The following MYO15B variants were observed in gnomAD, a reference collection of about 807,000 sequenced individuals.
MYO15B encodes myosin XVB, also known as myosin XVB pseudogene.
MYO15B carries 207 observed loss-of-function variants against 119.3 expected under a neutral mutation model. The observed-to-expected ratio is 1.73, with a 90% CI of 1.55 to 1.95. MYO15B has a LOEUF of 1.95. MYO15B is among the 30% of genes most tolerant of loss of function. The pLI, the probability that MYO15B is intolerant of heterozygous loss-of-function variation, is 0.00. For missense variants in MYO15B, 2,264 were observed against 1,203.1 expected (o/e 1.88, Z -13.04); for synonymous variants, 966 against 498.9 (o/e 1.94, Z -12.48).
chr17:75,590,147 G>A (rs971420627), exon 1 of MYO15B: 4 of 398,978 alleles, frequency 1.0e-5, no homozygotes, highest in Non-Finnish European at 1.8e-5. Flanking sequence ...CTGGAGCTGA[G>A]CCTCCGGCCG....
rs1285666102 is a variant in MYO15B at position 75,589,813 on chromosome 17, A to C, written c.1756A>C (p.Ser586Arg). The change falls in exon 1 of 64, where the codon AGT becomes CGT. Residue 586 changes from serine (S) to arginine (R), a missense_variant. By Grantham distance (110) the Ser-to-Arg change is moderately radical (BLOSUM62 -1). Transcript: ENST00000645453. The surrounding 1 kb of genome is among the most constrained non-coding windows in gnomAD (Gnocchi z 4.2). ...GCCTCGTGCAGGGGTGGGGGGGCAC[A>C]GTGAGGGGTGCAGGACGAGTGGGGA... 1 of 398,098 alleles carries C rather than the reference A, an allele frequency of 2.5e-6. No homozygotes were observed. Among genetic ancestry groups the C allele is most frequent in the East Asian group, 3.6e-5 (1 of 28,036 alleles). 24.7% of individuals were successfully genotyped at this position (398,098 alleles called of 1,614,324 possible). A position where few individuals can be genotyped will look rare whatever the true frequency, so the allele number is the denominator to read the frequency against.
At position 75,589,921 on chromosome 17, in the gene MYO15B, AGT is replaced by A; in HGVS notation, c.1866_1867del (p.Ser622ArgfsTer9). On this transcript the variant is annotated frameshift_variant, in exon 1 of 64. Coordinates refer to ENST00000645453, the Ensembl canonical transcript of MYO15B. LOFTEE classifies it high-confidence loss of function. The surrounding 1 kb of genome is among the most constrained non-coding windows in gnomAD (Gnocchi z 4.2). ...TTCCCTCGACGAGAGCGGCTCCAGC[AGT>A]GAGGCGGAGTTGGAGACCCTCAATG... The A allele has an allele frequency of 2.5e-6, 1 of 398,598 alleles. No homozygotes were observed. The allele number at this position is 398,598 out of a possible 1,614,324, so 24.7% of individuals were successfully genotyped here.
Position 75,590,972 on chromosome 17 carries a change from G to A in MYO15B, c.2316G>A (p.Glu772=), listed in dbSNP as rs943033284. Reference sequence around the variant, plus strand: ...GGTCCTTGCCTCTTTTTTCACCTGAGGTCCAGGCAAGCTACCACCCCAGGA... The same window carrying A: ...GGTCCTTGCCTCTTTTTTCACCTGAAGTCCAGGCAAGCTACCACCCCAGGA... The change falls in exon 3 of 64, where the codon GAG becomes GAA. Residue 772 remains glutamate, a synonymous_variant. Coordinates refer to ENST00000645453, the Ensembl canonical transcript of MYO15B. The A allele has an allele frequency of 1.9e-5, 11 of 567,158 alleles. No homozygotes were observed. In the African/African-American group the frequency reaches 2.1e-4, roughly 11 times the overall value. 35.1% of individuals were successfully genotyped at this position (567,158 alleles called of 1,614,324 possible). A position where few individuals can be genotyped will look rare whatever the true frequency, so the allele number is the denominator to read the frequency against.
At chr17:75,624,968 T>G in intron 59 of MYO15B, 52 bp downstream of exon 59, 1 of 692,246 alleles carries the variant, frequency 1.4e-6, no homozygotes, top group Non-Finnish European at 2.6e-6. Context: ...CGCGGCTTCC[T>G]GCCTGGGCGA....
At position 75,620,598 on chromosome 17, in the gene MYO15B, G is replaced by A. The variant is rs923182928; in HGVS notation, c.7687G>A (p.Gly2563Arg). The A allele has an allele frequency of 3.0e-5, 21 of 702,436 alleles. No homozygotes were observed. The Middle Eastern group carries it at 9.1e-4, about 30-fold the overall frequency. 43.5% of individuals were successfully genotyped at this position (702,436 alleles called of 1,614,324 possible). ...CTGGCACAAGGGTCAGCTGTCCAAC[G>A]GGGAACCAGGGCTGGCTCGGTGGGA... Residue 2563 changes from glycine (G) to arginine (R), a missense_variant, in exon 49 of 64, where the codon GGG (glycine) becomes AGG (arginine). Physicochemically the swap from Gly to Arg is moderately radical, Grantham distance 125. Coordinates refer to ENST00000645453, the Ensembl canonical transcript of MYO15B.
chr17:75,603,087 C>A lies in MYO15B; in HGVS notation c.3891+10C>A. Reference sequence around the variant, plus strand: ...CCCTAACCCTGGAAAGGTGAGCTCCCCAGCAACTGGCCTCAGGGCCCTCCC... The same window carrying A: ...CCCTAACCCTGGAAAGGTGAGCTCCACAGCAACTGGCCTCAGGGCCCTCCC... On this transcript the variant is annotated intron_variant, in intron 18 of 63. Transcript: ENST00000645453. 1 of 703,320 alleles carries A rather than the reference C, an allele frequency of 1.4e-6. No individual in the cohort carries two copies. The allele number at this position is 703,320 out of a possible 1,614,324, so 43.6% of individuals were successfully genotyped here. A position where few individuals can be genotyped will look rare whatever the true frequency, so the allele number is the denominator to read the frequency against.
exon 44 of MYO15B, chr17:75,619,191 G>A (rs2058555420): frequency 1.4e-6 from 1 of 702,734 alleles, no homozygotes; most frequent in Non-Finnish European, 2.6e-6. Flanking sequence ...TTCCCAGAAT[G>A]AGCGGCGGAA....
rs2059074237 is a variant in MYO15B at position 75,626,441 on chromosome 17, TAGAC to T, written c.9251_9254del (p.Asp3084AlafsTer45). 2.8e-6 allele frequency: 2 copies of T among 703,146 alleles called. No homozygotes were observed. Among genetic ancestry groups the T allele is most frequent in the African/African-American group, 1.7e-5 (1 of 57,274 alleles). The allele number at this position is 703,146 out of a possible 1,614,324, so 43.6% of individuals were successfully genotyped here. ...CTGCTATACACCACTGTCTTCCTGA[TAGAC>T]AGCAGTGCCTCTTGCACTGAGTGGC... On this transcript the variant is annotated frameshift_variant, in exon 64 of 64. Coordinates refer to ENST00000645453, the Ensembl canonical transcript of MYO15B. LOFTEE classifies it low-confidence loss of function (END_TRUNC).
Position 75,617,076 on chromosome 17 carries a change from T to C in MYO15B, c.6595-9T>C. On this transcript the variant is annotated splice_polypyrimidine_tract_variant and intron_variant, in intron 40 of 63. Transcript: ENST00000645453. Reference sequence around the variant, plus strand: ...ACTCAGCCCGTGTACTTTCTCCGTATCCCCCCAGATGCTGTCCCCCAGCCC... The same window carrying C: ...ACTCAGCCCGTGTACTTTCTCCGTACCCCCCCAGATGCTGTCCCCCAGCCC... 1 of 682,102 alleles carries C rather than the reference T, an allele frequency of 1.5e-6. No homozygotes were observed. 42.3% of individuals were successfully genotyped at this position (682,102 alleles called of 1,614,324 possible).
At chr17:75,599,359 C>T (rs1445486713) in intron 14 of MYO15B, among the ~76,000 whole-genome samples, 2 of 152,016 alleles carry the variant, frequency 1.3e-5, no homozygotes, top group Non-Finnish European at 2.9e-5. Flanking sequence ...ACTGCAAGCT[C>T]CGCCTCGCGG....
Position 75,616,870 on chromosome 17 carries a change from C to G in MYO15B, c.6507-4C>G, listed in dbSNP as rs774923520. Reference sequence around the variant, plus strand: ...ACTTAGTGACCTCTTGCTTCTCCCACGAGGCCTCCCAAAGCTTTCCTGAGG... The same window carrying G: ...ACTTAGTGACCTCTTGCTTCTCCCAGGAGGCCTCCCAAAGCTTTCCTGAGG... On this transcript the variant is annotated splice_region_variant and splice_polypyrimidine_tract_variant and intron_variant, in intron 39 of 63. Coordinates refer to ENST00000645453, the Ensembl canonical transcript of MYO15B. 2.1e-5 allele frequency: 15 copies of G among 702,976 alleles called. No homozygotes were observed. Among genetic ancestry groups the G allele is most frequent in the Non-Finnish European group, 3.4e-5 (13 of 385,032 alleles). 43.5% of individuals were successfully genotyped at this position (702,976 alleles called of 1,614,324 possible).
At chr17:75,625,206 C>A (rs534792197) in exon 60 of MYO15B, 1 of 702,560 alleles carries the variant, frequency 1.4e-6, no homozygotes, top group Admixed American at 2.0e-5. Context: ...CCCTGCAGCA[C>A]CTCAGCAAGG....
At chr17:75,606,838 G>A in intron 21 of MYO15B, 1 of 396,112 alleles carries the variant, frequency 2.5e-6, no homozygotes, top group Non-Finnish European at 4.4e-6. Context: ...GCCCAATTTA[G>A]GCCAGACTTT....
At chr17:75,621,305 G>A (rs3743997) in intron 50 of MYO15B, 40 bp from the exon 51 acceptor site, 1 of 683,674 alleles carries the variant, frequency 1.5e-6, no homozygotes, top group African/African-American at 1.8e-5. Context: ...GAAGGCAGGA[G>A]GGCCAAACAA....
chr17:75,614,049 GC>G, intron 29 of MYO15B, 149 bp from the exon 30 acceptor site: 1 of 611,084 alleles, frequency 1.6e-6, no homozygotes, highest in Non-Finnish European at 2.9e-6. Context: ...GAGGGGAGCA[GC>G]CCCCACTGCT....
intron 53 of MYO15B, 140 bp downstream of exon 53, chr17:75,622,220 G>A: frequency 1.6e-6 from 1 of 626,472 alleles, no homozygotes; most frequent in East Asian, 2.7e-5. Flanking sequence ...GGGGGGTGTG[G>A]CTGTGAAGCC....
At chr17:75,597,276 G>T (rs971749488) in intron 14 of MYO15B, among the ~76,000 whole-genome samples, 1 of 152,216 alleles carries the variant, frequency 6.6e-6, no homozygotes, top group Non-Finnish European at 1.5e-5. Flanking sequence ...CCTCTGACTG[G>T]TCGGGGACAA....
At chr17:75,592,928 G>A (rs1450937596) in intron 9 of MYO15B, 88 bp downstream of exon 9, 7 of 645,214 alleles carry the variant, frequency 1.1e-5, no homozygotes, top group South Asian at 1.0e-4. Context: ...TGGTGTGTAG[G>A]AGACTACAGA....
intron 41 of MYO15B, 148 bp from the exon 42 acceptor site, chr17:75,617,662 T>C (rs373466914): frequency 1.7e-6 from 1 of 591,820 alleles, no homozygotes; most frequent in East Asian, 2.8e-5. Context: ...AGGCAGGAGA[T>C]GGTGCCATGG....
Sources: allele counts gnomAD v4.1 joint callset (sites outside exome capture counted in the v4.1 genomes callset), GRCh38; gene constraint gnomAD v4.1.1; non-coding constraint Gnocchi (gnomAD v3.1); transcripts MANE v1.5; gene names NCBI Gene and HGNC (gene_info 2026-07-23, HGNC 2026-07-21).